Variants in TLL2 observed in about 807,000 individuals in gnomAD.
TLL2 encodes tolloid like 2, also known as tolloid-like protein 2.
TLL2 carries 106 observed loss-of-function variants against 123.0 expected under a neutral mutation model. The observed-to-expected ratio is 0.86, with a 90% CI of 0.74 to 1.01. TLL2 has a LOEUF of 1.01. Ranked by LOEUF, TLL2 falls within the 50% of genes least tolerant of loss-of-function variation. TLL2 has a pLI of 0.00. For synonymous variants in TLL2, 494 were observed against 516.8 expected (o/e 0.96, Z 0.60); for missense variants, 1,332 against 1,336.7 (o/e 1.00, Z 0.06).
intron 13 of TLL2, among the ~76,000 whole-genome samples, chr10:96,387,992 A>G (rs998245240): frequency 6.6e-6 from 1 of 152,230 alleles, no homozygotes; most frequent in Non-Finnish European, 1.5e-5. Context: ...TGAAGGGACA[A>G]CTGAACACTG....
chr10:96,440,211 TG>T (rs1470853178), intron 3 of TLL2, among the ~76,000 whole-genome samples: 2 of 152,240 alleles, frequency 1.3e-5, no homozygotes, highest in African/African-American at 4.8e-5. Context: ...TGAATTTTTC[TG>T]GTAGACTGGA....
chr10:96,468,819 G>C (rs369316530), intron 2 of TLL2, among the ~76,000 whole-genome samples: 1 of 152,164 alleles, frequency 6.6e-6, no homozygotes, highest in Non-Finnish European at 1.5e-5. Flanking sequence ...AAACACGCTC[G>C]TAATGAAAAT....
intron 10 of TLL2, among the ~76,000 whole-genome samples, chr10:96,401,342 C>A (rs1846391766): frequency 6.6e-6 from 1 of 152,226 alleles, no homozygotes; most frequent in South Asian, 2.1e-4. Context: ...CAGCAGATTT[C>A]ATGGCACTGA....
chr10:96,442,542 T>A (rs1302711187), intron 3 of TLL2, among the ~76,000 whole-genome samples: 1 of 152,186 alleles, frequency 6.6e-6, no homozygotes, highest in Non-Finnish European at 1.5e-5. Flanking sequence ...CTTAAAGACA[T>A]GCTTGTCTGC....
At chr10:96,475,376 T>G (rs543116238) in intron 2 of TLL2, among the ~76,000 whole-genome samples, 1 of 152,332 alleles carries the variant, frequency 6.6e-6, no homozygotes, top group African/African-American at 2.4e-5. Context: ...TCCAGCCTAC[T>G]TTACAAGTGA....
chr10:96,481,716 C>A (rs748109), intron 1 of TLL2, among the ~76,000 whole-genome samples: 74,764 of 151,982 alleles, frequency 0.49, 18,624 homozygotes, highest in East Asian at 0.73. Flanking sequence ...TGATAGCATG[C>A]CTTGGTTGTT....
chr10:96,488,869 A>C (rs1380339557), intron 1 of TLL2, among the ~76,000 whole-genome samples: 1 of 152,244 alleles, frequency 6.6e-6, no homozygotes, highest in Non-Finnish European at 1.5e-5. Context: ...CCTGCGTGGA[A>C]GGAAGAAGAA....
At chr10:96,459,025 T>G (rs992075409) in intron 2 of TLL2, among the ~76,000 whole-genome samples, 1 of 152,176 alleles carries the variant, frequency 6.6e-6, no homozygotes, top group Non-Finnish European at 1.5e-5. Context: ...ATAGGAAATG[T>G]GTATAACTGC....
At chr10:96,476,240 A>ATATATATTC in intron 2 of TLL2, among the ~76,000 whole-genome samples, 2 of 20,500 alleles carry the variant, frequency 9.8e-5, no homozygotes, top group African/African-American at 3.5e-4. Flanking sequence ...ATATATATAT[A>ATATATATTC]TTTTATTTTT....
intron 2 of TLL2, among the ~76,000 whole-genome samples, chr10:96,477,396 C>T (rs1847270160): frequency 6.7e-6 from 1 of 149,724 alleles, no homozygotes; most frequent in Non-Finnish European, 1.5e-5. Context: ...GTCGCCCAGG[C>T]TGGAGTGCAG....
chr10:96,369,996 T>C, intron 20 of TLL2, 69 bp downstream of exon 20: 1 of 1,484,074 alleles, frequency 6.7e-7, no homozygotes, highest in Non-Finnish European at 8.9e-7. Context: ...AAGCCGGGCG[T>C]GTCTGACTCC....
chr10:96,442,719 C>A (rs1188142284), intron 3 of TLL2, among the ~76,000 whole-genome samples: 3 of 152,196 alleles, frequency 2.0e-5, no homozygotes, highest in Non-Finnish European at 4.4e-5. Flanking sequence ...ACAACCCCAC[C>A]AGAGGCAGAA....
intron 10 of TLL2, among the ~76,000 whole-genome samples, chr10:96,402,456 G>A (rs1263960680): frequency 6.6e-6 from 1 of 152,210 alleles, no homozygotes; most frequent in Non-Finnish European, 1.5e-5. Context: ...TGTCCAGCCA[G>A]GTTTGGGAAC....
chr10:96,373,503 A>G (rs1354748629), intron 19 of TLL2, 93 bp downstream of exon 19: 5 of 1,233,058 alleles, frequency 4.1e-6, no homozygotes, highest in Non-Finnish European at 4.7e-6. Context: ...TCCCCCAGTC[A>G]GAATAAAAGG....
chr10:96,488,859 C>T (rs933258236), intron 1 of TLL2, among the ~76,000 whole-genome samples: 1 of 152,146 alleles, frequency 6.6e-6, no homozygotes, highest in African/African-American at 2.4e-5. Flanking sequence ...GATGGAAACC[C>T]CTGCGTGGAA....
intron 7 of TLL2, among the ~76,000 whole-genome samples, chr10:96,414,370 A>C (rs1370295472): frequency 2.0e-5 from 3 of 152,042 alleles, no homozygotes; most frequent in African/African-American, 7.2e-5. Flanking sequence ...CCCCATCAGC[A>C]ACGGTCACCA....
chr10:96,480,731 G>A (rs1199894418), intron 1 of TLL2, among the ~76,000 whole-genome samples: 4 of 152,158 alleles, frequency 2.6e-5, no homozygotes, highest in Admixed American at 6.5e-5. Flanking sequence ...TCTTGTCCTC[G>A]CTCTAGGCAG....
chr10:96,437,047 C>A (rs570395673), intron 3 of TLL2, among the ~76,000 whole-genome samples: 1 of 152,104 alleles, frequency 6.6e-6, no homozygotes, highest in Admixed American at 6.5e-5. Context: ...TATCCATTTT[C>A]AATATTTTTC....
In TLL2 at chr10:96,482,861, G is replaced by A. The variant is rs182425162; in HGVS notation, c.176-2402C>T. On this transcript the variant is annotated intron_variant, in intron 1 of 20. Coordinates refer to ENST00000357947, the MANE Select transcript of TLL2 (RefSeq NM_012465.4). ...TAAAGAAAAAAAATTCAACCTTGTA[G>A]CAAGAACCAACCAAGATGGTACCTG... 1.3e-4 allele frequency among the ~76,000 whole-genome samples: 20 copies of A among 152,276 alleles called. No homozygotes were observed. The East Asian group carries it at 3.9e-3, about 29-fold the overall frequency.
Sources: allele counts gnomAD v4.1 joint callset (sites outside exome capture counted in the v4.1 genomes callset), GRCh38; gene constraint gnomAD v4.1.1; transcripts MANE v1.5; gene names NCBI Gene and HGNC (gene_info 2026-07-23, HGNC 2026-07-21).